Variants in SVEP1 observed in about 807,000 individuals in gnomAD.
SVEP1 encodes sushi, von Willebrand factor type A, EGF and pentraxin domain-containing protein 1.
SVEP1 carries 164 observed loss-of-function variants against 367.3 expected under a neutral mutation model. That is an observed-to-expected ratio of 0.45 (90% CI 0.39 to 0.51). SVEP1 has a LOEUF of 0.51. Among genes scored for constraint, SVEP1 ranks in the 20% least tolerant of loss-of-function variants. The probability of loss-of-function intolerance (pLI) is 0.00; values close to 1 mark genes in which losing one functional copy is unlikely to be tolerated. For synonymous variants in SVEP1, 1,666 were observed against 1,611.6 expected, an observed-to-expected ratio of 1.03 and a Z score of -0.81; for missense variants, 4,117 against 4,425.3, an observed-to-expected ratio of 0.93 and a Z score of 1.98.
intron 40 of SVEP1, among the ~76,000 whole-genome samples, chr9:110,390,050 C>T (rs1308254122): frequency 0.028 from 3,163 of 113,276 alleles, 85 homozygotes; most frequent in African/African-American, 0.055. Flanking sequence ...AGTATATATA[C>T]ACGTATATAT....
intron 5 of SVEP1, among the ~76,000 whole-genome samples, chr9:110,510,650 G>A (rs986908762): frequency 2.6e-5 from 4 of 152,142 alleles, no homozygotes; most frequent in African/African-American, 9.7e-5. Context: ...ATTATGGAGG[G>A]TGCAGGCTTG....
chr9:110,402,699 T>C (rs1047205198), intron 39 of SVEP1, among the ~76,000 whole-genome samples: 1 of 152,130 alleles, frequency 6.6e-6, no homozygotes, highest in African/African-American at 2.4e-5. Flanking sequence ...ACAATTTGAT[T>C]CCCTTAATTA....
rs1827595385 is a variant in SVEP1 at position 110,389,689 on chromosome 9, A to C, written c.9823-102T>G. 4.1e-6 allele frequency: 5 copies of C among 1,231,432 alleles called. No individual in the cohort carries two copies. In the South Asian group the frequency reaches 7.2e-5, roughly 18 times the overall value. 76.3% of individuals were successfully genotyped at this position (1,231,432 alleles called of 1,614,324 possible). A position where few individuals can be genotyped will look rare whatever the true frequency, so the allele number is the denominator to read the frequency against. On this transcript the variant is annotated intron_variant, in intron 40 of 47. Coordinates refer to ENST00000374469, the MANE Select transcript of SVEP1 (RefSeq NM_153366.4). ...TAGCTATGGCCTTGAATCGCTCAGC[A>C]CTGGAATGCTAAATAAACATGTTAA...
intron 1 of SVEP1, among the ~76,000 whole-genome samples, chr9:110,552,490 A>T (rs1170495440): frequency 6.6e-6 from 1 of 152,136 alleles, no homozygotes; most frequent in Non-Finnish European, 1.5e-5. Flanking sequence ...TTATTTTTAC[A>T]CTATAATATA....
chr9:110,477,057 C>T (rs913033442), intron 13 of SVEP1, among the ~76,000 whole-genome samples: 4 of 152,156 alleles, frequency 2.6e-5, no homozygotes, highest in African/African-American at 9.7e-5. Context: ...TCTATAGTCA[C>T]CTAGCAAACT....
intron 36 of SVEP1, among the ~76,000 whole-genome samples, chr9:110,413,598 G>T (rs112356751): frequency 0.029 from 4,350 of 151,958 alleles, 96 homozygotes; most frequent in Non-Finnish European, 0.039. Context: ...TATTCAATCA[G>T]TATGAATAAA....
chr9:110,466,039 A>G lies in SVEP1; in HGVS notation c.3161-13T>C, dbSNP rs1828931952. On this transcript the variant is annotated splice_polypyrimidine_tract_variant and intron_variant, in intron 17 of 47. Coordinates refer to ENST00000374469, the MANE Select transcript of SVEP1 (RefSeq NM_153366.4). Reference sequence around the variant, plus strand: ...TGTTTACACTGAGCTGAAAAGAAAAAGGTAATATTACTATCAATAATGATA... The same window carrying G: ...TGTTTACACTGAGCTGAAAAGAAAAGGGTAATATTACTATCAATAATGATA... The G allele has an allele frequency of 6.2e-7, 1 of 1,607,618 alleles. No homozygotes were observed. Among genetic ancestry groups the G allele is most frequent in the Non-Finnish European group, 8.5e-7 (1 of 1,175,506 alleles).
At chr9:110,389,884 T>C (rs1235860592) in intron 40 of SVEP1, among the ~76,000 whole-genome samples, 1 of 151,802 alleles carries the variant, frequency 6.6e-6, no homozygotes. Flanking sequence ...AAGAATGCAT[T>C]AGAAGTAGTC....
intron 3 of SVEP1, among the ~76,000 whole-genome samples, chr9:110,533,424 A>G (rs1467196250): frequency 6.6e-6 from 1 of 152,216 alleles, no homozygotes; most frequent in African/African-American, 2.4e-5. Flanking sequence ...AGGTGACAGA[A>G]TCAGGATTCA....
At chr9:110,518,481 T>TTTTG (rs1012534614) in intron 3 of SVEP1, among the ~76,000 whole-genome samples, 8 of 152,056 alleles carry the variant, frequency 5.3e-5, no homozygotes, top group African/African-American at 1.4e-4. Flanking sequence ...AAATCATATA[T>TTTTG]TTTGTTTGTT....
At chr9:110,513,722 G>A (rs1332414194) in intron 4 of SVEP1, among the ~76,000 whole-genome samples, 1 of 151,970 alleles carries the variant, frequency 6.6e-6, no homozygotes. Context: ...TGATTTCAAG[G>A]TGATGTTATT....
In SVEP1 at chr9:110,435,140, A is replaced by G. The variant is rs551675224; in HGVS notation, c.4888+101T>C. On this transcript the variant is annotated intron_variant, in intron 29 of 47. Coordinates refer to ENST00000374469, the MANE Select transcript of SVEP1 (RefSeq NM_153366.4). ...TTACAAAAAGTAGATTGACAGTCAC[A>G]TACGATTGGACCGATAGAGAATTCT... 1.9e-4 allele frequency: 254 copies of G among 1,351,836 alleles called. 3 individuals are homozygous for G. The South Asian group carries it at 4.1e-3, about 22-fold the overall frequency. 83.7% of individuals were successfully genotyped at this position (1,351,836 alleles called of 1,614,324 possible).
In SVEP1 at chr9:110,514,187, G is replaced by A. The variant is rs1017276041; in HGVS notation, c.965-81C>T. The A allele has an allele frequency of 2.0e-6, 3 of 1,521,350 alleles. No individual in the cohort carries two copies. The African/African-American group carries it at 4.1e-5, about 21-fold the overall frequency. The allele number at this position is 1,521,350 out of a possible 1,614,324, so 94.2% of individuals were successfully genotyped here. On this transcript the variant is annotated intron_variant, in intron 3 of 47. Transcript: ENST00000374469. Reference sequence around the variant, plus strand: ...AACAAAACATTTGAAATTAATATGGGAGAGAAAGCCAAACAATAGTTTTCC... The same window carrying A: ...AACAAAACATTTGAAATTAATATGGAAGAGAAAGCCAAACAATAGTTTTCC...
chr9:110,413,655 TATA>T (rs1828077597), intron 36 of SVEP1, among the ~76,000 whole-genome samples: 2 of 152,010 alleles, frequency 1.3e-5, no homozygotes, highest in African/African-American at 4.8e-5. Context: ...TTGGCCCACA[TATA>T]ATGATGGATT....
intron 1 of SVEP1, among the ~76,000 whole-genome samples, chr9:110,560,545 G>A (rs573171748): frequency 1.3e-5 from 2 of 152,138 alleles, no homozygotes; most frequent in East Asian, 3.9e-4. Flanking sequence ...CAGTCTAATG[G>A]CTCCTAAATC....
At chr9:110,561,215 C>T (rs1422352755) in intron 1 of SVEP1, among the ~76,000 whole-genome samples, 3 of 152,072 alleles carry the variant, frequency 2.0e-5, no homozygotes, top group Non-Finnish European at 4.4e-5. Context: ...ACTCTTTCCA[C>T]CTCCCAATAC....
chr9:110,560,240 G>T (rs910785877), intron 1 of SVEP1, among the ~76,000 whole-genome samples: 2 of 152,126 alleles, frequency 1.3e-5, no homozygotes, highest in African/African-American at 2.4e-5. Flanking sequence ...AAAGCAATAG[G>T]CTATTCCATA....
At chr9:110,539,558 GATA>G (rs1189089498) in intron 3 of SVEP1, among the ~76,000 whole-genome samples, 15 of 151,636 alleles carry the variant, frequency 9.9e-5, no homozygotes, top group Non-Finnish European at 2.1e-4. Flanking sequence ...ATCAAATATT[GATA>G]ATAAATATTG....
intron 1 of SVEP1, among the ~76,000 whole-genome samples, chr9:110,552,360 A>G (rs1385160262): frequency 6.6e-6 from 1 of 151,934 alleles, no homozygotes. Flanking sequence ...CCAGTCCCCA[A>G]ACTTTTTGGC....
Sources: gnomAD v4.1 joint callset for allele counts (sites outside exome capture counted in the v4.1 genomes callset) on GRCh38, gnomAD v4.1.1 for gene constraint, MANE v1.5 for transcripts, NCBI Gene and HGNC (gene_info 2026-07-23, HGNC 2026-07-21) for gene names.